The following MTM1 variants were observed in gnomAD, a reference collection of about 807,000 sequenced individuals.
MTM1 encodes the protein myotubularin 1, also known as myotubularin.
Under a neutral mutation model 52.1 loss-of-function variants are expected in MTM1, and 9 were observed. The ratio of observed to expected loss-of-function variants is 0.17; its 90% CI spans 0.10 to 0.30. The LOEUF (loss-of-function observed/expected upper bound fraction) is 0.30, where lower values mean the gene tolerates loss of function less well. Ranked by LOEUF, MTM1 falls within the 10% of genes least tolerant of loss-of-function variation. MTM1 has a pLI of 1.00. For missense variants in MTM1, 277 were observed against 470.7 expected (o/e 0.59, Z 3.81); for synonymous variants, 136 against 163.8 (o/e 0.83, Z 1.29).
intron 1 of MTM1, among the ~76,000 whole-genome samples, chrX:150,569,763 A>G (rs1380346847): frequency 2.7e-5 from 3 of 112,280 alleles, no homozygotes; most frequent in Non-Finnish European, 3.8e-5. Flanking sequence ...CTAGACTGCA[A>G]ACCATTTTGA....
intron 10 of MTM1, among the ~76,000 whole-genome samples, chrX:150,657,003 G>C (rs1379548853): frequency 1.8e-5 from 2 of 111,022 alleles, no homozygotes; most frequent in East Asian, 2.8e-4. Flanking sequence ...GGAGAAATAA[G>C]AACACTTTTA....
chrX:150,609,018 C>T (rs782401946), intron 4 of MTM1, among the ~76,000 whole-genome samples: 25 of 110,371 alleles, frequency 2.3e-4, no homozygotes, highest in African/African-American at 6.6e-4. Context: ...TTAGTAGAGA[C>T]GGGGTTTCAC....
At chrX:150,566,523 C>T (rs782697523), upstream of MTM1, among the ~76,000 whole-genome samples, 1 of 111,455 alleles carries the variant, frequency 9.0e-6, no homozygotes, top group Non-Finnish European at 1.9e-5. Context: ...GAGACAGGCA[C>T]GGCAGGGGTT....
At chrX:150,664,444 C>A (rs782414365) in intron 14 of MTM1, among the ~76,000 whole-genome samples, 379 of 112,822 alleles carry the variant, frequency 3.4e-3, no homozygotes, top group Middle Eastern at 0.014. Flanking sequence ...TCCTCTCAGG[C>A]AGTTGGCTGC....
chrX:150,568,481 C>G (rs1392272986), upstream of MTM1: 4 of 113,786 alleles, frequency 3.5e-5, no homozygotes, highest in African/African-American at 1.3e-4. Flanking sequence ...CCCAGGTCGA[C>G]CCGGCGCACT....
At chrX:150,572,985 A>G (rs782062798) in intron 1 of MTM1, among the ~76,000 whole-genome samples, 1 of 112,957 alleles carries the variant, frequency 8.9e-6, no homozygotes, top group Admixed American at 9.3e-5. Context: ...TAACTCCTAC[A>G]TATTTCAGTA....
chrX:150,571,593 T>C, intron 1 of MTM1, among the ~76,000 whole-genome samples: 1 of 112,629 alleles, frequency 8.9e-6, no homozygotes, highest in Non-Finnish European at 1.9e-5. Flanking sequence ...ACTTGAACGA[T>C]ATGGAACTCT....
intron 6 of MTM1, among the ~76,000 whole-genome samples, chrX:150,625,501 A>C (rs1201955031): frequency 8.9e-6 from 1 of 112,098 alleles, no homozygotes; most frequent in Non-Finnish European, 1.9e-5. Context: ...TACCTTGAGA[A>C]AAGACTCTTT....
Position 150,615,245 on chromosome X carries a change from G to C in MTM1, c.342+546G>C, listed in dbSNP as rs970936168. 3.6e-5 allele frequency among the ~76,000 whole-genome samples: 4 copies of C among 111,421 alleles called. No homozygotes were observed. In the South Asian group the frequency reaches 1.5e-3, roughly 42 times the overall value. On this transcript the variant is annotated intron_variant, in intron 5 of 14. Coordinates refer to ENST00000370396, the MANE Select transcript of MTM1 (RefSeq NM_000252.3). ...TGCAACCCTCTGAGATGGCGTGATG[G>C]GAGCCCGAGGCTCCAAAGAGTTGGG... is the stretch of plus-strand genomic sequence containing the variant.
chrX:150,622,222 A>T (rs998029378), intron 6 of MTM1, among the ~76,000 whole-genome samples: 3 of 108,826 alleles, frequency 2.8e-5, no homozygotes, highest in Non-Finnish European at 5.7e-5. Context: ...AGTCAACTGA[A>T]TTGCTCATAT....
chrX:150,627,387 T>C (rs2039588117), intron 6 of MTM1, among the ~76,000 whole-genome samples: 1 of 112,030 alleles, frequency 8.9e-6, no homozygotes, highest in Non-Finnish European at 1.9e-5. Flanking sequence ...TTGTCTCTCC[T>C]GAGATGTAAG....
chrX:150,654,276 T>C (rs2040075627), intron 10 of MTM1, among the ~76,000 whole-genome samples: 1 of 111,658 alleles, frequency 9.0e-6, no homozygotes, highest in Non-Finnish European at 1.9e-5. Context: ...TTTTATATTA[T>C]AAGTGAGGGA....
chrX:150,581,691 A>G (rs5970460), intron 1 of MTM1, among the ~76,000 whole-genome samples: 1,245 of 111,789 alleles, frequency 0.011, 15 homozygotes, highest in African/African-American at 0.037. Context: ...ATGATCATCT[A>G]TGAGAGAATG....
intron 1 of MTM1, among the ~76,000 whole-genome samples, chrX:150,576,204 A>G (rs1557411641): frequency 9.0e-6 from 1 of 111,544 alleles, no homozygotes; most frequent in South Asian, 3.7e-4. Flanking sequence ...TATCATGCTT[A>G]TGCTAGCCTT....
chrX:150,574,408 C>CA, intron 1 of MTM1, among the ~76,000 whole-genome samples: 1 of 110,578 alleles, frequency 9.0e-6, no homozygotes, highest in East Asian at 2.8e-4. Flanking sequence ...ATGAGGCCCC[C>CA]GGGTGATTTT....
chrX:150,628,224 A>G (rs2039602871), intron 6 of MTM1, among the ~76,000 whole-genome samples: 1 of 111,809 alleles, frequency 8.9e-6, no homozygotes, highest in South Asian at 3.7e-4. Flanking sequence ...GTTTGCAGTT[A>G]GTTTTTGGCT....
At chrX:150,628,747 T>C (rs1043680002) in intron 6 of MTM1, among the ~76,000 whole-genome samples, 2 of 109,901 alleles carry the variant, frequency 1.8e-5, no homozygotes, top group Admixed American at 9.6e-5. Context: ...TTCTTTTTTT[T>C]TTTTTGAGAC....
chrX:150,586,530 G>A (rs1305592607), intron 1 of MTM1, among the ~76,000 whole-genome samples: 2 of 111,027 alleles, frequency 1.8e-5, no homozygotes, highest in East Asian at 5.7e-4. Context: ...TAGAAAACCT[G>A]TGTGCAGAAT....
chrX:150,596,040 C>T (rs2038969999), intron 2 of MTM1, among the ~76,000 whole-genome samples: 1 of 110,913 alleles, frequency 9.0e-6, no homozygotes, highest in South Asian at 3.8e-4. Flanking sequence ...CAATGATTTT[C>T]GGGCATTGTA....
Sources: allele counts gnomAD v4.1 joint callset (sites outside exome capture counted in the v4.1 genomes callset), GRCh38; gene constraint gnomAD v4.1.1; transcripts MANE v1.5; gene names NCBI Gene and HGNC (gene_info 2026-07-23, HGNC 2026-07-21).